Variants in AS3MT observed in about 807,000 individuals in gnomAD.
AS3MT encodes arsenite methyltransferase.
Under a neutral mutation model 45.3 loss-of-function variants are expected in AS3MT, and 47 were observed. The observed-to-expected ratio is 1.04, with a 90% confidence interval of 0.82 to 1.32. The LOEUF (loss-of-function observed/expected upper bound fraction) is 1.32. Among genes scored for constraint, AS3MT ranks in the 40% most tolerant of loss-of-function variants. The pLI, the probability that AS3MT is intolerant of heterozygous loss-of-function variation, is 0.00. For synonymous variants in AS3MT, 141 were observed against 152.8 expected, an observed-to-expected ratio of 0.92 and a Z score of 0.57; for missense variants, 396 against 451.1, an observed-to-expected ratio of 0.88 and a Z score of 1.11.
intron 9 of AS3MT, among the ~76,000 whole-genome samples, chr10:102,883,684 A>G (rs2134120127): frequency 6.6e-6 from 1 of 151,976 alleles, no homozygotes; most frequent in African/African-American, 2.4e-5. Context: ...ACTGCACTCC[A>G]GCCTGGGCAA....
In AS3MT at chr10:102,879,262, G is replaced by A. The variant is rs1321363821; in HGVS notation, c.885+271G>A. On this transcript the variant is annotated intron_variant, in intron 9 of 10. Coordinates refer to ENST00000369880, the MANE Select transcript of AS3MT (RefSeq NM_020682.4). ...GCAGCCTGACCTCCTGGGCTCAAGCGATCCTCCCACCTCAGGCTTCTGAGT... is the reference window on the plus strand; with the variant it reads ...GCAGCCTGACCTCCTGGGCTCAAGCAATCCTCCCACCTCAGGCTTCTGAGT... 3.3e-5 allele frequency among the ~76,000 whole-genome samples: 5 copies of A among 152,164 alleles called. No homozygotes were observed. The East Asian group carries it at 7.8e-4, about 24-fold the overall frequency.
At chr10:102,879,215 A>G (rs1470472728) in intron 9 of AS3MT, among the ~76,000 whole-genome samples, 1 of 152,162 alleles carries the variant, frequency 6.6e-6, no homozygotes, top group African/African-American at 2.4e-5. Context: ...GCTGGAGTGC[A>G]GTAGCACAAT....
rs532871912 is a variant in AS3MT at position 102,871,116 on chromosome 10, C to T, written c.170+905C>T. ...AAAATTAGCTGGGTGTAGTGGGGCA[C>T]GCCTGTAGTCCCAGCTACTTGGGAG... On this transcript the variant is annotated intron_variant, in intron 3 of 10. Transcript: ENST00000369880. Among the ~76,000 whole-genome samples, 9 of 152,058 alleles carry T rather than the reference C, an allele frequency of 5.9e-5. No individual in the cohort carries two copies. The East Asian group carries it at 1.5e-3, about 26-fold the overall frequency.
chr10:102,873,275 T>TTTATTA (rs547139234), intron 5 of AS3MT, 42 bp downstream of exon 5: 60 of 1,322,370 alleles, frequency 4.5e-5, no homozygotes, highest in Middle Eastern at 4.4e-4. Flanking sequence ...GCCCATTTTC[T>TTTATTA]TTATTATTAT....
intron 5 of AS3MT, among the ~76,000 whole-genome samples, chr10:102,874,327 G>T (rs1435886944): frequency 6.6e-6 from 1 of 152,058 alleles, no homozygotes; most frequent in Non-Finnish European, 1.5e-5. Flanking sequence ...GTTACATGGT[G>T]AACATCAGGA....
At chr10:102,879,054 C>G in intron 9 of AS3MT, 63 bp downstream of exon 9, 1 of 1,515,938 alleles carries the variant, frequency 6.6e-7, no homozygotes, top group Admixed American at 2.0e-5. Flanking sequence ...CTCCAGCTAT[C>G]TTTTCTTGAC....
intron 10 of AS3MT, among the ~76,000 whole-genome samples, chr10:102,900,181 C>T (rs532797216): frequency 6.6e-6 from 1 of 152,240 alleles, no homozygotes; most frequent in African/African-American, 2.4e-5. Context: ...CTAGTGACAG[C>T]CCTACATCTG....
At chr10:102,893,974 T>C (rs979015150) in intron 10 of AS3MT, among the ~76,000 whole-genome samples, 1 of 152,132 alleles carries the variant, frequency 6.6e-6, no homozygotes, top group Non-Finnish European at 1.5e-5. Flanking sequence ...CTTTTGGCTC[T>C]AAGCCCCTTG....
chr10:102,890,176 AT>A (rs11361523), intron 9 of AS3MT, among the ~76,000 whole-genome samples: 61,636 of 150,416 alleles, frequency 0.41, 12,797 homozygotes, highest in East Asian at 0.56. Context: ...AATTTTTTGT[AT>A]TTTTTTAGTA....
intron 9 of AS3MT, among the ~76,000 whole-genome samples, chr10:102,883,980 C>CTTT (rs35305641): frequency 3.9e-5 from 5 of 129,430 alleles, no homozygotes; most frequent in Non-Finnish European, 6.5e-5. Context: ...TTCTTTATTT[C>CTTT]TTTTTTTTTT....
rs202060999 is a variant in AS3MT, at chr10:102,890,608, A to G, written c.950A>G (p.Gln317Arg). The G allele has an allele frequency of 8.1e-6, 13 of 1,612,670 alleles. No individual in the cohort carries two copies. Among genetic ancestry groups the G allele is most frequent in the Non-Finnish European group, 1.1e-5 (13 of 1,179,502 alleles). ...AAILKNSRFA[Q>R]DFLIRPIGEK... ...ATCTTGAAGAATTCAAGATTTGCTCAAGATTTTCTGATCAGACCAATTGGA... is the reference window on the plus strand; with the variant it reads ...ATCTTGAAGAATTCAAGATTTGCTCGAGATTTTCTGATCAGACCAATTGGA... Residue 317 changes from glutamine to arginine, a missense_variant, in exon 10 of 11, where the codon CAA becomes CGA. Physicochemically the swap from Gln to Arg is conservative, Grantham distance 43 (BLOSUM62 1). Coordinates refer to ENST00000369880, the MANE Select transcript of AS3MT (RefSeq NM_020682.4).
intron 10 of AS3MT, among the ~76,000 whole-genome samples, chr10:102,899,149 G>A (rs546829426): frequency 8.2e-4 from 125 of 152,238 alleles, no homozygotes; most frequent in Non-Finnish European, 1.7e-3. Context: ...TAGCCACCAC[G>A]CCCAACTAAT....
intron 5 of AS3MT, among the ~76,000 whole-genome samples, chr10:102,874,350 A>G (rs10509760): frequency 0.11 from 16,304 of 152,326 alleles, 900 homozygotes; most frequent in Middle Eastern, 0.18. Context: ...GAAACAAGTA[A>G]GAATCATGCC....
intron 10 of AS3MT, among the ~76,000 whole-genome samples, chr10:102,893,170 G>A (rs1262615400): frequency 6.6e-6 from 1 of 151,534 alleles, no homozygotes. Context: ...CTAAAACCAA[G>A]ATTACAGTAG....
At chr10:102,883,105 G>GT (rs199951226) in intron 9 of AS3MT, among the ~76,000 whole-genome samples, 20,034 of 140,116 alleles carry the variant, frequency 0.14, 1,618 homozygotes, top group East Asian at 0.27. Context: ...TATATATATG[G>GT]TTTTTTTTTT....
At chr10:102,882,647 T>C (rs2134119021) in intron 9 of AS3MT, among the ~76,000 whole-genome samples, 1 of 152,230 alleles carries the variant, frequency 6.6e-6, no homozygotes, top group African/African-American at 2.4e-5. Flanking sequence ...TGGAGTGCAG[T>C]GACTCAATCT....
chr10:102,888,881 A>T (rs11598969), intron 9 of AS3MT, among the ~76,000 whole-genome samples: 19,448 of 52,080 alleles, frequency 0.37, 2,897 homozygotes, highest in East Asian at 0.48. Flanking sequence ...ATATATATAT[A>T]TTTTTTTTTT....
chr10:102,899,239 C>T (rs1201682354), intron 10 of AS3MT, among the ~76,000 whole-genome samples: 2 of 152,210 alleles, frequency 1.3e-5, no homozygotes, highest in South Asian at 2.1e-4. Context: ...TGATCCACTG[C>T]CTTGGCCTCC....
chr10:102,872,100 G>C (rs1040376495), intron 3 of AS3MT, among the ~76,000 whole-genome samples: 1 of 152,082 alleles, frequency 6.6e-6, no homozygotes, highest in African/African-American at 2.4e-5. Flanking sequence ...GGCCAGGCTG[G>C]TCTCCAACTC....
Sources: allele counts gnomAD v4.1 joint callset (sites outside exome capture counted in the v4.1 genomes callset), GRCh38; gene constraint gnomAD v4.1.1; transcripts MANE v1.5; gene names NCBI Gene and HGNC (gene_info 2026-07-23, HGNC 2026-07-21).